The following NBPF26 variants were observed in gnomAD, a reference collection of about 807,000 sequenced individuals.
NBPF26 encodes the protein NBPF member 26.
NBPF26 carries 79 observed loss-of-function variants against 119.6 expected under a neutral mutation model. The ratio of observed to expected loss-of-function variants is 0.66; its 90% confidence interval spans 0.55 to 0.80. NBPF26 has a LOEUF of 0.80. NBPF26 is among the 30% of genes least tolerant of loss of function. NBPF26 has a pLI of 0.00. For missense variants in NBPF26, 800 were observed against 1,198.2 expected (o/e 0.67, Z 4.91); for synonymous variants, 299 against 457.7 (o/e 0.65, Z 4.43).
At chr1:120,724,321 C>G in intron 1 of NBPF26, 71 bp downstream of exon 1, 1 of 1,360,960 alleles carries the variant, frequency 7.3e-7, no homozygotes, top group South Asian at 1.3e-5. Flanking sequence ...TTCTCCCCCT[C>G]AGTCCTTCTC....
intron 14 of NBPF26, among the ~76,000 whole-genome samples, chr1:120,817,066 G>T (rs1321569196): frequency 1.7e-5 from 2 of 117,706 alleles, no homozygotes; most frequent in Non-Finnish European, 3.3e-5. Context: ...GAGTGCAGGA[G>T]GTGCACAGGC....
At chr1:120,752,652 G>C (rs1651038011) in intron 1 of NBPF26, among the ~76,000 whole-genome samples, 1 of 38,026 alleles carries the variant, frequency 2.6e-5, no homozygotes, top group Non-Finnish European at 4.0e-5. Flanking sequence ...CTCATTGCAA[G>C]CTCCGCCTCC....
In NBPF26 at chr1:120,728,812, C is replaced by CT. The variant is rs1348211431; in HGVS notation, c.73+4575dup. On this transcript the variant is annotated intron_variant, in intron 1 of 29. Transcript: ENST00000620612. ...ATGTACATTTAGTAAAGTATATTTG[C>CT]TTTTTTTTTTTTTGAACCAAGAGAG... is the stretch of plus-strand genomic sequence containing the variant. 2.5e-3 allele frequency among the ~76,000 whole-genome samples: 250 copies of CT among 101,962 alleles called. 28 individuals carry two copies. Among genetic ancestry groups the CT allele is most frequent in the East Asian group, 3.3e-3 (14 of 4,286 alleles). 66.9% of individuals were successfully genotyped at this position (101,962 alleles called of 152,430 possible).
intron 7 of NBPF26, 121 bp from the exon 8 acceptor site, chr1:120,809,688 CAT>C (rs1651808946): frequency 7.6e-7 from 1 of 1,314,360 alleles, no homozygotes; most frequent in African/African-American, 1.7e-5. Context: ...AAAGATAAAA[CAT>C]GAGAGTTTTC....
chr1:120,791,330 A>G (rs1326588099), intron 3 of NBPF26, among the ~76,000 whole-genome samples: 1 of 94,902 alleles, frequency 1.1e-5, no homozygotes, highest in Non-Finnish European at 1.9e-5. Flanking sequence ...TCGTGCTGCT[A>G]TAAAGACACA....
Position 120,745,123 on chromosome 1 carries a change from AAAAAAAAAAAC to A in NBPF26, c.74-18485_74-18475del, listed in dbSNP as rs1421941573. 1.2e-3 allele frequency among the ~76,000 whole-genome samples: 109 copies of A among 92,558 alleles called. 10 individuals are homozygous for A. Among genetic ancestry groups the A allele is most frequent in the Non-Finnish European group, 1.3e-3 (68 of 50,920 alleles). 60.7% of individuals were successfully genotyped at this position (92,558 alleles called of 152,430 possible). A position where few individuals can be genotyped will look rare whatever the true frequency, so the allele number is the denominator to read the frequency against. On this transcript the variant is annotated intron_variant, in intron 1 of 29. Transcript: ENST00000620612. ...TGACAGAGCAAGATCCTGTCTCCAA[AAAAAAAAAAAC>A]AAAAAAAAAACAAAAAAAAGTGGTA... is the stretch of plus-strand genomic sequence containing the variant.
intron 1 of NBPF26, among the ~76,000 whole-genome samples, chr1:120,727,322 G>T (rs1206805769): frequency 9.3e-6 from 1 of 107,240 alleles, no homozygotes; most frequent in Non-Finnish European, 1.7e-5. Flanking sequence ...GTGTGTGTAT[G>T]AGGTCTTTCT....
rs1341568901 is a variant in NBPF26 at position 120,801,609 on chromosome 1, C to T, written c.752-3947C>T. On this transcript the variant is annotated intron_variant, in intron 4 of 29. Coordinates refer to ENST00000620612, the Ensembl canonical transcript of NBPF26. The stretch of plus-strand genomic sequence containing the variant: ...CTTTTGGAGGCCTAGGTGGGAGGAT[C>T]GCTTGAGGCCAGAAGTTCAAAACCA... Among the ~76,000 whole-genome samples, 2 of 100,508 alleles carry T rather than the reference C, an allele frequency of 2.0e-5. 1 individual carries two copies. The highest frequency in any genetic ancestry group is 5.8e-4 in the South Asian group (2 of 3,450). The allele number at this position is 100,508 out of a possible 152,430, so 65.9% of individuals were successfully genotyped here.
At chr1:120,840,572 G>C in exon 30 of NBPF26, 1 of 1,465,032 alleles carries the variant, frequency 6.8e-7, no homozygotes, top group East Asian at 2.3e-5. Context: ...TGTTCCAGAT[G>C]GGAGTCATAT....
Position 120,812,039 on chromosome 1 carries a change from A to G in NBPF26, c.1718A>G (p.Glu573Gly). 4 of 1,288,606 alleles carry G rather than the reference A, an allele frequency of 3.1e-6. 1 individual carries two copies. The highest frequency in any genetic ancestry group is 4.7e-5 in the East Asian group (2 of 42,702). The allele number at this position is 1,288,606 out of a possible 1,614,324, so 79.8% of individuals were successfully genotyped here. The change falls in exon 10 of 30, where the codon GAG becomes GGG. Residue 573 changes from glutamate to glycine, a missense_variant. Glu to Gly is a moderately conservative substitution (Grantham distance 98). Coordinates refer to ENST00000620612, the Ensembl canonical transcript of NBPF26. ...AAACAGCAGTTCAGAAACCTCAAAG[A>G]GAAATGTTTTCTAACTCAACTGGCC...
chr1:120,825,321 C>T (rs1384426243), intron 18 of NBPF26, among the ~76,000 whole-genome samples, 193 bp from the exon 20 acceptor site: 1 of 122,324 alleles, frequency 8.2e-6, no homozygotes, highest in Non-Finnish European at 1.6e-5. Flanking sequence ...TCTCCCTCTC[C>T]CTGTCTTTCT....
downstream of NBPF26, chr1:120,840,774 A>T (rs1652504174): frequency 6.6e-6 from 6 of 903,082 alleles, no homozygotes; most frequent in Non-Finnish European, 9.4e-6. Flanking sequence ...AAGACAATGG[A>T]CCCACGTTAG....
At chr1:120,789,487 G>A (rs1195349839) in intron 3 of NBPF26, among the ~76,000 whole-genome samples, 1 of 114,196 alleles carries the variant, frequency 8.8e-6, no homozygotes, top group Non-Finnish European at 1.7e-5. Flanking sequence ...AGAAAATTAG[G>A]AAGAAGCAAA....
rs1300372392 is a variant in NBPF26 at position 120,805,509 on chromosome 1, T to C, written c.752-47T>C. 82 of 1,268,558 alleles carry C rather than the reference T, an allele frequency of 6.5e-5. 17 individuals are homozygous for C. The highest frequency in any genetic ancestry group is 8.6e-5 in the Non-Finnish European group (78 of 908,006). The allele number at this position is 1,268,558 out of a possible 1,614,324, so 78.6% of individuals were successfully genotyped here. ...CTCAGTCCTGATTAAACCGATTTGA[T>C]TTCACCAGTTTTTAACCCATCATAT... On this transcript the variant is annotated intron_variant, in intron 4 of 29. Transcript: ENST00000620612.
chr1:120,752,519 AATATAT>A (rs1204399606), intron 1 of NBPF26, among the ~76,000 whole-genome samples: 1 of 14,662 alleles, frequency 6.8e-5, no homozygotes, highest in African/African-American at 4.6e-4. Context: ...GAAGTTCAGG[AATATAT>A]ATATATATAT....
intron 1 of NBPF26, among the ~76,000 whole-genome samples, chr1:120,755,859 ATG>A (rs1651074358): frequency 1.2e-5 from 1 of 81,066 alleles, no homozygotes; most frequent in Admixed American, 1.2e-4. Flanking sequence ...CACTTTCTAT[ATG>A]ATAATATCTG....
chr1:120,811,645 G>A (rs1336118853), intron 9 of NBPF26, among the ~76,000 whole-genome samples: 1 of 113,796 alleles, frequency 8.8e-6, no homozygotes, highest in Non-Finnish European at 1.7e-5. Flanking sequence ...GCCAAGCCTT[G>A]CTTTATAGAA....
chr1:120,745,845 G>A, intron 1 of NBPF26, among the ~76,000 whole-genome samples: 1 of 81,494 alleles, frequency 1.2e-5, no homozygotes, highest in African/African-American at 8.4e-5. Context: ...ACAAGGTAAA[G>A]TAATTTTTCA....
In NBPF26 at chr1:120,737,718, G is replaced by T. The variant is rs1343777473; in HGVS notation, c.73+13468G>T. Among the ~76,000 whole-genome samples, 9 of 125,066 alleles carry T rather than the reference G, an allele frequency of 7.2e-5. 2 individuals carry two copies. Among genetic ancestry groups the T allele is most frequent in the African/African-American group, 3.5e-4 (9 of 25,984 alleles). The allele number at this position is 125,066 out of a possible 152,430, so 82.0% of individuals were successfully genotyped here. Reference sequence around the variant, plus strand: ...TGTACTAGTTGAGACAACTCGGCAGGTCTGGTGTCATTAGTGATTCAGAAT... The same window carrying T: ...TGTACTAGTTGAGACAACTCGGCAGTTCTGGTGTCATTAGTGATTCAGAAT... On this transcript the variant is annotated intron_variant, in intron 1 of 29. Coordinates refer to ENST00000620612, the Ensembl canonical transcript of NBPF26.
Sources: gnomAD v4.1 joint callset for allele counts (sites outside exome capture counted in the v4.1 genomes callset) on GRCh38, gnomAD v4.1.1 for gene constraint, MANE v1.5 for transcripts, NCBI Gene and HGNC (gene_info 2026-07-23, HGNC 2026-07-21) for gene names.